Variants in TMEM94 observed in about 807,000 individuals in gnomAD.
TMEM94 encodes transmembrane protein 94.
A neutral mutation model predicts 158.6 loss-of-function variants in TMEM94; 81 were observed. The ratio of observed to expected loss-of-function variants is 0.51; its 90% confidence interval spans 0.43 to 0.61. The LOEUF is 0.61. TMEM94 is among the 20% of genes least tolerant of loss of function. The pLI, the probability that TMEM94 is intolerant of heterozygous loss-of-function variation, is 0.00. For missense variants in TMEM94, 1,435 were observed against 1,762.0 expected (o/e 0.81, Z 3.32); for synonymous variants, 751 against 730.7 (o/e 1.03, Z -0.45).
Position 75,494,659 on chromosome 17 carries a change from T to C in TMEM94, c.2440T>C (p.Cys814Arg). The change falls in exon 19 of 32, where the codon TGC (cysteine) becomes CGC (arginine). Residue 814 changes from cysteine (C) to arginine (R), a missense_variant. Physicochemically the swap from Cys to Arg is radical, Grantham distance 180 (BLOSUM62 -3). Coordinates refer to ENST00000314256, the MANE Select transcript of TMEM94 (RefSeq NM_014738.6). Reference sequence around the variant, plus strand: ...CGGGGAGGTGCTGGAGAAGGAAGACTGCATGCAGGCCCTGAGCGGCCAGAT... The same window carrying C: ...CGGGGAGGTGCTGGAGAAGGAAGACCGCATGCAGGCCCTGAGCGGCCAGAT... Reference protein sequence around the residue: ...GIGEVLEKEDCMQALSGQIFM... With the variant: ...GIGEVLEKEDRMQALSGQIFM... The C allele has an allele frequency of 6.2e-7, 1 of 1,613,714 alleles. No homozygotes were observed. Among genetic ancestry groups the C allele is most frequent in the Non-Finnish European group, 8.5e-7 (1 of 1,180,024 alleles).
At position 75,468,880 on chromosome 17, in the gene TMEM94, G is replaced by A. The variant is rs527248151; in HGVS notation, c.-106-2920G>A. Among the ~76,000 whole-genome samples, 3 of 152,314 alleles carry A rather than the reference G, an allele frequency of 2.0e-5. No homozygotes were observed. In the South Asian group the frequency reaches 6.2e-4, roughly 32 times the overall value. ...AGGCTTGCTCCTGGCCCCCAAAAGA[G>A]CTGTCTTAGTCAGTAGGTTAGTGCT... On this transcript the variant is annotated intron_variant, in intron 1 of 31. Coordinates refer to ENST00000314256, the MANE Select transcript of TMEM94 (RefSeq NM_014738.6).
chr17:75,464,656 CTTCCTTCCTTCCTTCCTTCCTTCTTTCT>C lies in TMEM94; in HGVS notation c.-106-7140_-106-7113del, dbSNP rs1567906870. Among the ~76,000 whole-genome samples the C allele has an allele frequency of 4.1e-3, 485 of 118,076 alleles. 11 individuals carry two copies. The highest frequency in any genetic ancestry group is 0.031 in the South Asian group (104 of 3,312). 77.5% of individuals were successfully genotyped at this position (118,076 alleles called of 152,430 possible). A position where few individuals can be genotyped will look rare whatever the true frequency, so the allele number is the denominator to read the frequency against. ...CCTTCCTTCCTTCCTTCCTTCCTTC[CTTCCTTCCTTCCTTCCTTCCTTCTTTCT>C]TTCTTTCTTTCTTTCTTTCTTTCCT... On this transcript the variant is annotated intron_variant, in intron 1 of 31. Transcript: ENST00000314256.
At chr17:75,480,714 G>C (rs1295216881) in intron 2 of TMEM94, among the ~76,000 whole-genome samples, 1 of 152,234 alleles carries the variant, frequency 6.6e-6, no homozygotes, top group Non-Finnish European at 1.5e-5. Flanking sequence ...TCACCTTCCT[G>C]AGTGTGGTCC....
chr17:75,472,353 G>A (rs6416847), intron 2 of TMEM94, among the ~76,000 whole-genome samples: 128,311 of 152,262 alleles, frequency 0.84, 54,828 homozygotes, highest in African/African-American at 0.93. Context: ...CTAATCAGCC[G>A]GTGGTGAGCA....
At position 75,497,855 on chromosome 17, in the gene TMEM94, C is replaced by T; in HGVS notation, c.3482C>T (p.Pro1161Leu). ...ACGGGGAAAAACCTCCAGTCCATTCCCAAGAAGGTAAGCAAAACAGACCCT... is the reference window on the plus strand; with the variant it reads ...ACGGGGAAAAACCTCCAGTCCATTCTCAAGAAGGTAAGCAAAACAGACCCT... Reference protein sequence around the residue: ...MATGKNLQSIPKKTQHYFLLC... With the variant: ...MATGKNLQSILKKTQHYFLLC... The change falls in exon 27 of 32, where the codon CCC becomes CTC. Residue 1161 changes from proline (P) to leucine (L), a missense_variant. Around this residue, in one of 3 missense-constraint regions of TMEM94, gnomAD observed 335 missense variants for 409.1 expected, o/e 0.82. Transcript: ENST00000314256. 3 of 1,613,614 alleles carry T rather than the reference C, an allele frequency of 1.9e-6. No individual in the cohort carries two copies. Among genetic ancestry groups the T allele is most frequent in the Non-Finnish European group, 2.5e-6 (3 of 1,179,742 alleles).
intron 10 of TMEM94, 73 bp from the exon 11 acceptor site, chr17:75,490,629 C>T (rs767212613): frequency 5.6e-5 from 78 of 1,397,128 alleles, no homozygotes; most frequent in Non-Finnish European, 7.7e-5. Flanking sequence ...TGGGCCCCCC[C>T]TCTGCCAGCT....
At chr17:75,494,533 T>C (rs2146811435) in intron 18 of TMEM94, 94 bp from the exon 19 acceptor site, 1 of 1,306,402 alleles carries the variant, frequency 7.7e-7, no homozygotes, top group East Asian at 2.4e-5. Context: ...GGGGCCCATA[T>C]GCTCATTGAT....
rs199842943 is a variant in TMEM94, at chr17:75,491,083, G to A, written c.1163G>A (p.Arg388Lys). Residue 388 changes from arginine (R) to lysine (K), a missense_variant, in exon 12 of 32, where the codon AGG (arginine) becomes AAG (lysine). Physicochemically the swap from Arg to Lys is conservative, Grantham distance 26. Coordinates refer to ENST00000314256, the MANE Select transcript of TMEM94 (RefSeq NM_014738.6). This position sits in a 1 kb window ranked among gnomAD's most constrained non-coding sequence, Gnocchi z 5.1. Reference protein sequence around the residue: ...MLRCIWGHFLRVLGGTSPTLS... With the variant: ...MLRCIWGHFLKVLGGTSPTLS... ...CGCTGCATTTGGGGCCACTTCCTGAGGGTGCTCGGGGGGACATCGCCAACG... is the reference window on the plus strand; with the variant it reads ...CGCTGCATTTGGGGCCACTTCCTGAAGGTGCTCGGGGGGACATCGCCAACG... 1.5e-4 allele frequency: 249 copies of A among 1,613,440 alleles called. No homozygotes were observed. The highest frequency in any genetic ancestry group is 1.0e-3 in the East Asian group (47 of 44,868).
chr17:75,483,074 A>T (rs952212622), intron 2 of TMEM94, among the ~76,000 whole-genome samples: 1 of 152,082 alleles, frequency 6.6e-6, no homozygotes, highest in African/African-American at 2.4e-5. Flanking sequence ...CTTGAAGGAG[A>T]AGCAAGAGTT....
Position 75,495,158 on chromosome 17 carries a change from T to C in TMEM94, c.2728+124T>C, listed in dbSNP as rs2052564401. The C allele has an allele frequency of 1.4e-6, 2 of 1,438,742 alleles. No individual in the cohort carries two copies. Among genetic ancestry groups the C allele is most frequent in the South Asian group, 2.7e-5 (2 of 75,344 alleles). The allele number at this position is 1,438,742 out of a possible 1,614,324, so 89.1% of individuals were successfully genotyped here. A position where few individuals can be genotyped will look rare whatever the true frequency, so the allele number is the denominator to read the frequency against. On this transcript the variant is annotated intron_variant, in intron 20 of 31. Coordinates refer to ENST00000314256, the MANE Select transcript of TMEM94 (RefSeq NM_014738.6). The surrounding 1 kb of genome is among the most constrained non-coding windows in gnomAD (Gnocchi z 5.6). ...AGTACATTCCCTTGGGAAATGGCTC[T>C]GATGTCCCTGCGGGAAACAGTAGTC... is the stretch of plus-strand genomic sequence containing the variant.
chr17:75,490,090 A>G, intron 9 of TMEM94, 144 bp from the exon 10 acceptor site: 5 of 1,262,970 alleles, frequency 4.0e-6, no homozygotes, highest in Admixed American at 2.5e-5. Context: ...AAAAAAAAAA[A>G]AAGAACACCT....
At chr17:75,481,675 C>T (rs1292161993) in intron 2 of TMEM94, among the ~76,000 whole-genome samples, 1 of 152,206 alleles carries the variant, frequency 6.6e-6, no homozygotes, top group Admixed American at 6.5e-5. Context: ...GAACTGTGGG[C>T]CGCATAGAGG....
At position 75,498,457 on chromosome 17, in the gene TMEM94, G is replaced by T; in HGVS notation, c.3652G>T (p.Ala1218Ser). ...SVMLPSNDDR[A>S]PAWFEDFANG... ...TCACTTTGGCAGCAACGACGACAGG[G>T]CTCCAGCCTGGTTTGAGGACTTTGC... Residue 1218 changes from alanine to serine, a missense_variant, in exon 29 of 32, where the codon GCT becomes TCT. Physicochemically the swap from Ala to Ser is moderately conservative, Grantham distance 99. This residue lies in a region of TMEM94 where 335 missense variants were observed against 409.1 expected (regional missense o/e 0.82). Transcript: ENST00000314256. This position sits in a 1 kb window ranked among gnomAD's most constrained non-coding sequence, Gnocchi z 6.7. The T allele has an allele frequency of 1.3e-6, 2 of 1,587,790 alleles. No homozygotes were observed. The highest frequency in any genetic ancestry group is 8.6e-7 in the Non-Finnish European group (1 of 1,165,328).
intron 2 of TMEM94, among the ~76,000 whole-genome samples, chr17:75,472,938 T>G (rs761942638): frequency 3.9e-5 from 6 of 152,210 alleles, no homozygotes; most frequent in Non-Finnish European, 7.3e-5. Context: ...CTTTCAGCAT[T>G]TGTAGTACCT....
intron 1 of TMEM94, among the ~76,000 whole-genome samples, chr17:75,468,361 C>T (rs747307587): frequency 4.8e-4 from 73 of 152,306 alleles, no homozygotes; most frequent in Non-Finnish European, 9.4e-4. Context: ...GCCTTTGCAG[C>T]GTTGGCAGAA....
rs763501203 is a variant in TMEM94 at position 75,488,920 on chromosome 17, C to T, written c.764+10C>T. The T allele has an allele frequency of 4.3e-5, 67 of 1,547,592 alleles. No homozygotes were observed. The highest frequency in any genetic ancestry group is 5.6e-5 in the Non-Finnish European group (64 of 1,145,136). Reference sequence around the variant, plus strand: ...TGATTGACAACATCAGGTAGGGGTGCTGCCCCGCCTCCTCCTGTCCCTGGT... The same window carrying T: ...TGATTGACAACATCAGGTAGGGGTGTTGCCCCGCCTCCTCCTGTCCCTGGT... On this transcript the variant is annotated intron_variant, in intron 7 of 31. Coordinates refer to ENST00000314256, the MANE Select transcript of TMEM94 (RefSeq NM_014738.6).
At chr17:75,490,030 G>T (rs1350328752) in intron 9 of TMEM94, 4 of 662,776 alleles carry the variant, frequency 6.0e-6, no homozygotes, top group Non-Finnish European at 7.4e-6. Context: ...AGTGAGCCGA[G>T]ATCACGCCAC....
intron 17 of TMEM94, 31 bp downstream of exon 17, chr17:75,493,624 A>G: frequency 6.2e-7 from 1 of 1,613,170 alleles, no homozygotes. Context: ...CAGCAGCAAG[A>G]GCAGTCGCGC....
Position 75,495,070 on chromosome 17 carries a change from G to T in TMEM94, c.2728+36G>T. 1 of 1,594,292 alleles carries T rather than the reference G, an allele frequency of 6.3e-7. No homozygotes were observed. The highest frequency in any genetic ancestry group is 8.6e-7 in the Non-Finnish European group (1 of 1,166,638). On this transcript the variant is annotated intron_variant, in intron 20 of 31. Transcript: ENST00000314256. This position sits in a 1 kb window ranked among gnomAD's most constrained non-coding sequence, Gnocchi z 5.6. ...AGGCGTGGGGTGGGGACGGGGTGGCGGTGGGAGGATTCCCCTCCTCAGAGC... is the reference window on the plus strand; with the variant it reads ...AGGCGTGGGGTGGGGACGGGGTGGCTGTGGGAGGATTCCCCTCCTCAGAGC...
Sources: allele counts gnomAD v4.1 joint callset (sites outside exome capture counted in the v4.1 genomes callset), GRCh38; gene constraint gnomAD v4.1.1; regional missense constraint gnomAD v4.1.1; non-coding constraint Gnocchi (gnomAD v3.1); transcripts MANE v1.5; gene names NCBI Gene and HGNC (gene_info 2026-07-23, HGNC 2026-07-21).